Variants in FSTL1 observed in about 807,000 individuals in gnomAD.
The protein encoded by FSTL1 is follistatin-related protein 1.
In FSTL1, 24 loss-of-function variants were observed where a neutral mutation model predicts 45.9. That is an observed-to-expected ratio of 0.52 (90% CI 0.38 to 0.74). The LOEUF (loss-of-function observed/expected upper bound fraction) is 0.74, where lower values mean the gene tolerates loss of function less well. Ranked by LOEUF, FSTL1 falls within the 30% of genes least tolerant of loss-of-function variation. The pLI is 0.00. For missense variants in FSTL1, 340 were observed against 381.8 expected (o/e 0.89, Z 0.91); for synonymous variants, 120 against 137.6 (o/e 0.87, Z 0.89).
chr3:120,431,725 A>G lies in FSTL1; in HGVS notation c.64-15698T>C, dbSNP rs1166559377. ...CTGAGTTCTGACCTCACTGCATCGGAGGAGGAGGGTTTGAGGAGAAAGAGG... is the reference window on the plus strand; with the variant it reads ...CTGAGTTCTGACCTCACTGCATCGGGGGAGGAGGGTTTGAGGAGAAAGAGG... On this transcript the variant is annotated intron_variant, in intron 2 of 10. Transcript: ENST00000295633. Among the ~76,000 whole-genome samples the G allele has an allele frequency of 2.6e-5, 4 of 152,298 alleles. No individual in the cohort carries two copies. In the East Asian group the frequency reaches 5.8e-4, roughly 22 times the overall value.
In FSTL1 at chr3:120,410,673, C is replaced by T. The variant is rs189151489; in HGVS notation, c.331+279G>A. ...GTCTTATAGGATGTTGAAAAATGAA[C>T]TCAGTGGCTTTCCTGTTTATGCAGT... On this transcript the variant is annotated intron_variant, in intron 5 of 10. Coordinates refer to ENST00000295633, the MANE Select transcript of FSTL1 (RefSeq NM_007085.5). 63 of 561,848 alleles carry T rather than the reference C, an allele frequency of 1.1e-4. 1 individual carries two copies. The East Asian group carries it at 1.4e-3, about 12-fold the overall frequency. The allele number at this position is 561,848 out of a possible 1,614,324, so 34.8% of individuals were successfully genotyped here.
chr3:120,437,775 T>C (rs555852560), intron 2 of FSTL1, among the ~76,000 whole-genome samples: 2 of 152,210 alleles, frequency 1.3e-5, no homozygotes, highest in African/African-American at 2.4e-5. Flanking sequence ...ATTTAGCACA[T>C]TGGGATTTTC....
chr3:120,414,300 G>A lies in FSTL1; in HGVS notation c.168+1623C>T, dbSNP rs1339524151. ...CTGCCCAGTCTGGAACGTGAGAAGC[G>A]TCTCTGCCCGGCCGCCATCCCACCT... On this transcript the variant is annotated intron_variant, in intron 3 of 10. Transcript: ENST00000295633. 2.6e-4 allele frequency among the ~76,000 whole-genome samples: 40 copies of A among 151,814 alleles called. No individual in the cohort carries two copies. In the South Asian group the frequency reaches 3.5e-3, roughly 13 times the overall value.
intron 3 of FSTL1, among the ~76,000 whole-genome samples, chr3:120,412,829 C>CAACTAGGTTAT (rs1937092351): frequency 8.1e-6 from 1 of 123,666 alleles, no homozygotes; most frequent in South Asian, 2.7e-4. Context: ...TGCGCGCGCG[C>CAACTAGGTTAT]GCGCGCGCGC....
rs1936914002 is a variant in FSTL1, at chr3:120,404,764, G to T, written c.581+89C>A. 2.5e-5 allele frequency: 19 copies of T among 750,390 alleles called. 1 individual carries two copies. The South Asian group carries it at 2.8e-4, about 11-fold the overall frequency. 46.5% of individuals were successfully genotyped at this position (750,390 alleles called of 1,614,324 possible). A position where few individuals can be genotyped will look rare whatever the true frequency, so the allele number is the denominator to read the frequency against. ...TTTACGTGACATTCTCTCACTGGTG[G>T]CTCTTTTGCAGGTGGGAAAGGGTTT... On this transcript the variant is annotated intron_variant, in intron 7 of 10. Transcript: ENST00000295633.
intron 2 of FSTL1, among the ~76,000 whole-genome samples, chr3:120,433,345 G>A (rs1433935693): frequency 6.6e-6 from 1 of 152,230 alleles, no homozygotes; most frequent in East Asian, 1.9e-4. Context: ...TGACGGGCAA[G>A]TGCTGTCAAC....
intron 2 of FSTL1, among the ~76,000 whole-genome samples, chr3:120,436,929 C>T (rs373173606): frequency 6.3e-4 from 96 of 152,218 alleles, no homozygotes; most frequent in African/African-American, 2.2e-3. Flanking sequence ...CTCGGCTGGG[C>T]CACCAAGAAG....
intron 2 of FSTL1, among the ~76,000 whole-genome samples, chr3:120,436,062 T>A (rs1408571231): frequency 2.0e-5 from 3 of 146,846 alleles, no homozygotes; most frequent in Non-Finnish European, 3.0e-5. Context: ...TTTATTTTTG[T>A]AAAAAAAAAA....
intron 9 of FSTL1, among the ~76,000 whole-genome samples, chr3:120,401,617 C>G (rs1438897085): frequency 6.7e-6 from 1 of 149,942 alleles, no homozygotes; most frequent in Non-Finnish European, 1.5e-5. Flanking sequence ...AGGTCTTGCT[C>G]TGTTGTCCAG....
Position 120,396,918 on chromosome 3 carries a change from T to G in FSTL1, c.*34A>C, listed in dbSNP as rs778376870. The G allele has an allele frequency of 3.9e-6, 6 of 1,533,634 alleles. No individual in the cohort carries two copies. In the East Asian group the frequency reaches 1.1e-4, roughly 29 times the overall value. On this transcript the variant is annotated 3_prime_UTR_variant, in exon 11 of 11. Coordinates refer to ENST00000295633, the MANE Select transcript of FSTL1 (RefSeq NM_007085.5). ...GAACTCAGCGCTGAAGTGGAGAAGATGCTGGGATCCAGACACTGGTCTGTG... is the reference window on the plus strand; with the variant it reads ...GAACTCAGCGCTGAAGTGGAGAAGAGGCTGGGATCCAGACACTGGTCTGTG...
intron 2 of FSTL1, among the ~76,000 whole-genome samples, chr3:120,445,050 A>G (rs1201975478): frequency 6.7e-6 from 1 of 149,700 alleles, no homozygotes; most frequent in East Asian, 1.9e-4. Flanking sequence ...TGACCAGGGC[A>G]AAGTGGTCTA....
chr3:120,444,202 TC>T (rs1337660188), intron 2 of FSTL1, among the ~76,000 whole-genome samples: 1 of 149,832 alleles, frequency 6.7e-6, no homozygotes, highest in Non-Finnish European at 1.5e-5. Flanking sequence ...GTTGTTTTTG[TC>T]AGTTTCATAC....
At chr3:120,400,927 A>C (rs182328511) in intron 9 of FSTL1, among the ~76,000 whole-genome samples, 146 of 152,294 alleles carry the variant, frequency 9.6e-4, no homozygotes, top group Non-Finnish European at 1.6e-3. Context: ...TCCAGGGAGG[A>C]TGAGCAGCCC....
intron 3 of FSTL1, among the ~76,000 whole-genome samples, chr3:120,415,003 TAAAA>T (rs138778788): frequency 7.2e-4 from 106 of 147,456 alleles, no homozygotes; most frequent in Non-Finnish European, 1.1e-3. Flanking sequence ...ATAAATAAAT[TAAAA>T]AAAAAAGAAA....
intron 10 of FSTL1, 98 bp downstream of exon 10, chr3:120,399,785 G>A (rs776924756): frequency 6.7e-6 from 5 of 749,472 alleles, no homozygotes; most frequent in Non-Finnish European, 1.2e-5. Context: ...TGAGCAGAGA[G>A]AGCCTCCTTG....
In FSTL1 at chr3:120,410,947, C is replaced by T. The variant is rs77250558; in HGVS notation, c.331+5G>A. The T allele has an allele frequency of 2.2e-3, 3,607 of 1,606,626 alleles. 91 individuals carry two copies. The African/African-American group carries it at 0.043, about 19-fold the overall frequency. On this transcript the variant is annotated splice_donor_5th_base_variant and intron_variant, in intron 5 of 10. Coordinates refer to ENST00000295633, the MANE Select transcript of FSTL1 (RefSeq NM_007085.5). ...ATGCACACAGTAGAAAAAATAGGCA[C>T]TCACCTGGGCTGGCAGATGGACTTA...
intron 2 of FSTL1, among the ~76,000 whole-genome samples, chr3:120,430,855 A>T (rs1362654421): frequency 6.6e-6 from 1 of 152,234 alleles, no homozygotes; most frequent in African/African-American, 2.4e-5. Flanking sequence ...AGAACAACAC[A>T]ATCTAATAAG....
intron 9 of FSTL1, 199 bp from the exon 10 acceptor site, chr3:120,400,158 G>A: frequency 1.7e-6 from 1 of 590,398 alleles, no homozygotes; most frequent in South Asian, 2.1e-5. Context: ...TTGTAACAAA[G>A]CAATCTACCC....
Position 120,431,615 on chromosome 3 carries a change from G to T in FSTL1, c.64-15588C>A, listed in dbSNP as rs144695746. On this transcript the variant is annotated intron_variant, in intron 2 of 10. Transcript: ENST00000295633. The stretch of plus-strand genomic sequence containing the variant: ...AGGCGAGACGATTCCTTGAGGCCAG[G>T]AGTTTGAGACCAGCCTGGGCAATAT... Among the ~76,000 whole-genome samples, 1,382 of 152,072 alleles carry T rather than the reference G, an allele frequency of 9.1e-3. 26 individuals are homozygous for T. Among genetic ancestry groups the T allele is most frequent in the African/African-American group, 0.031 (1,277 of 41,482 alleles).
Sources: gnomAD v4.1 joint callset for allele counts (sites outside exome capture counted in the v4.1 genomes callset) on GRCh38, gnomAD v4.1.1 for gene constraint, MANE v1.5 for transcripts, NCBI Gene and HGNC (gene_info 2026-07-23, HGNC 2026-07-21) for gene names.